Variants in STPG2 observed in about 807,000 individuals in gnomAD.
STPG2 encodes sperm-tail PG-rich repeat-containing protein 2.
Under a neutral mutation model 54.2 loss-of-function variants are expected in STPG2, and 56 were observed. That is an observed-to-expected ratio of 1.03 (90% CI 0.83 to 1.29). STPG2 has a LOEUF of 1.29. Among genes scored for constraint, STPG2 ranks in the 50% most tolerant of loss-of-function variants. The pLI is 0.00. For synonymous variants in STPG2, 200 were observed against 181.8 expected (o/e 1.10, Z -0.81); for missense variants, 596 against 544.9 (o/e 1.09, Z -0.93).
chr4:98,139,689 T>C (rs1490975321), intron 1 of STPG2, among the ~76,000 whole-genome samples: 1 of 152,176 alleles, frequency 6.6e-6, no homozygotes, highest in East Asian at 1.9e-4. Flanking sequence ...ACAAAATGTA[T>C]AGGATGCAGC....
Position 97,921,648 on chromosome 4 carries a change from A to G in STPG2, c.1044+22249T>C, listed in dbSNP as rs1732113624. Among the ~76,000 whole-genome samples, 3 of 152,120 alleles carry G rather than the reference A, an allele frequency of 2.0e-5. No individual in the cohort carries two copies. In the South Asian group the frequency reaches 6.2e-4, roughly 31 times the overall value. On this transcript the variant is annotated intron_variant, in intron 8 of 10. Coordinates refer to ENST00000295268, the MANE Select transcript of STPG2 (RefSeq NM_174952.3). ...ACAAGACATATATGGGACATCATCA[A>G]CTGAATCAATATATGCATTATGCAC...
intron 4 of STPG2, among the ~76,000 whole-genome samples, chr4:97,550,991 C>G (rs755060114): frequency 2.4e-4 from 36 of 151,014 alleles, no homozygotes; most frequent in Non-Finnish European, 5.0e-4. Context: ...AAGGAAAGAA[C>G]AAACCTTCCA....
intron 3 of STPG2, among the ~76,000 whole-genome samples, chr4:98,123,080 T>C (rs1231841827): frequency 2.0e-5 from 3 of 146,924 alleles, no homozygotes; most frequent in Non-Finnish European, 4.4e-5. Context: ...ATTTGATTCT[T>C]CTCTCTTTTC....
chr4:97,932,562 T>A (rs1264224931), intron 8 of STPG2, among the ~76,000 whole-genome samples: 1 of 152,122 alleles, frequency 6.6e-6, no homozygotes, highest in Non-Finnish European at 1.5e-5. Context: ...TTCCCCTCCC[T>A]GTGTCCATGT....
At chr4:97,713,344 T>C (rs908844324) in intron 9 of STPG2, among the ~76,000 whole-genome samples, 2 of 152,152 alleles carry the variant, frequency 1.3e-5, no homozygotes, top group African/African-American at 4.8e-5. Context: ...CTTAAGCCAA[T>C]GGGTTCCAAC....
intron 10 of STPG2, among the ~76,000 whole-genome samples, chr4:97,669,640 C>CA (rs1355571526): frequency 1.2e-5 from 1 of 82,544 alleles, no homozygotes; most frequent in Non-Finnish European, 2.3e-5. Flanking sequence ...ACTAAAAATA[C>CA]AAAAAATTAG....
At chr4:98,016,777 C>A (rs1214948340) in intron 5 of STPG2, among the ~76,000 whole-genome samples, 1 of 152,050 alleles carries the variant, frequency 6.6e-6, no homozygotes, top group Non-Finnish European at 1.5e-5. Flanking sequence ...AGGGTTAGTT[C>A]CTGAAGCTTT....
Position 97,981,191 on chromosome 4 carries a change from A to T in STPG2, c.740T>A (p.Phe247Tyr). The change falls in exon 6 of 11, where the codon TTC becomes TAC. Residue 247 changes from phenylalanine (F) to tyrosine (Y), a missense_variant. Phe to Tyr is a conservative substitution (Grantham distance 22, BLOSUM62 3). Transcript: ENST00000295268. Reference sequence around the variant, plus strand: ...TTCCTCTGTCCTGATGTCCTGTGTGAATCGAACAGCACTTTGACCAAATGG... The same window carrying T: ...TTCCTCTGTCCTGATGTCCTGTGTGTATCGAACAGCACTTTGACCAAATGG... Reference protein sequence around the residue: ...NIPFGQSAVRFTQDIRTEEMP... With the variant: ...NIPFGQSAVRYTQDIRTEEMP... The T allele has an allele frequency of 6.2e-7, 1 of 1,614,064 alleles. No individual in the cohort carries two copies. The highest frequency in any genetic ancestry group is 8.5e-7 in the Non-Finnish European group (1 of 1,179,966).
chr4:97,635,729 CG>C (rs1721492739), intron 10 of STPG2, among the ~76,000 whole-genome samples: 2 of 151,040 alleles, frequency 1.3e-5, no homozygotes, highest in South Asian at 2.1e-4. Context: ...CAACAAAGAT[CG>C]AAAGAGACAA....
chr4:97,830,756 A>T (rs756858399), intron 9 of STPG2, among the ~76,000 whole-genome samples: 1 of 152,172 alleles, frequency 6.6e-6, no homozygotes, highest in Non-Finnish European at 1.5e-5. Context: ...TTTAAACAAC[A>T]AAGGTCAAAA....
At chr4:97,539,401 T>C (rs2202777) in intron 4 of STPG2, among the ~76,000 whole-genome samples, 127,488 of 151,918 alleles carry the variant, frequency 0.84, 54,009 homozygotes, top group African/African-American at 0.96. Flanking sequence ...TCCTAGTCTC[T>C]GATAAAATAG....
chr4:97,853,069 C>T (rs1316239975), intron 8 of STPG2, among the ~76,000 whole-genome samples: 1 of 144,046 alleles, frequency 6.9e-6, no homozygotes, highest in African/African-American at 2.6e-5. Context: ...CTCTGCCTCC[C>T]GGGTTCACGC....
chr4:97,567,426 A>G (rs1220981671), intron 10 of STPG2, among the ~76,000 whole-genome samples: 1 of 149,166 alleles, frequency 6.7e-6, no homozygotes, highest in African/African-American at 2.4e-5. Context: ...ACAATACTAT[A>G]TATATAATTT....
At chr4:98,026,024 G>GAAATTACAAGAATTAC in intron 5 of STPG2, 1 of 1,037,064 alleles carries the variant, frequency 9.6e-7, no homozygotes, top group Non-Finnish European at 1.5e-6. Flanking sequence ...CATGTAAGAT[G>GAAATTACAAGAATTAC]AAGATAATTA....
At chr4:97,821,017 T>C (rs1181058743) in intron 9 of STPG2, among the ~76,000 whole-genome samples, 5 of 152,206 alleles carry the variant, frequency 3.3e-5, no homozygotes, top group African/African-American at 1.2e-4. Context: ...TCCAATAGGT[T>C]CCCAAACTCT....
chr4:97,850,498 C>G (rs1729124361), intron 8 of STPG2, among the ~76,000 whole-genome samples: 1 of 151,200 alleles, frequency 6.6e-6, no homozygotes, highest in South Asian at 2.1e-4. Context: ...CAGAATTTAG[C>G]TAAAATTATC....
At chr4:97,803,162 C>G (rs1406762451) in intron 9 of STPG2, among the ~76,000 whole-genome samples, 1 of 152,154 alleles carries the variant, frequency 6.6e-6, no homozygotes, top group Non-Finnish European at 1.5e-5. Context: ...ATTTAAAGCT[C>G]TATTAATGTA....
chr4:97,724,865 T>A (rs1021331786), intron 9 of STPG2, among the ~76,000 whole-genome samples: 3 of 152,150 alleles, frequency 2.0e-5, no homozygotes, highest in Admixed American at 2.0e-4. Context: ...CTGAGATTTT[T>A]AAATCACAAT....
At chr4:97,470,934 C>T (rs1729911475) in intron 4 of STPG2, among the ~76,000 whole-genome samples, 1 of 152,076 alleles carries the variant, frequency 6.6e-6, no homozygotes, top group South Asian at 2.1e-4. Context: ...GATTGGGGAT[C>T]ATCTGCTTTG....
Sources: gnomAD v4.1 joint callset for allele counts (sites outside exome capture counted in the v4.1 genomes callset) on GRCh38, gnomAD v4.1.1 for gene constraint, MANE v1.5 for transcripts, NCBI Gene and HGNC (gene_info 2026-07-23, HGNC 2026-07-21) for gene names.